The following TEAD1 variants were observed in gnomAD, a reference collection of about 807,000 sequenced individuals.
TEAD1 encodes TEA domain transcription factor 1.
A neutral mutation model predicts 54.9 loss-of-function variants in TEAD1; 9 were observed. The observed-to-expected ratio is 0.16, with a 90% confidence interval of 0.10 to 0.29. The LOEUF (loss-of-function observed/expected upper bound fraction) is 0.29. TEAD1 is among the 10% of genes least tolerant of loss of function. The probability of loss-of-function intolerance (pLI) is 1.00; values close to 1 mark genes in which losing one functional copy is unlikely to be tolerated. For missense variants in TEAD1, 387 were observed against 535.9 expected (o/e 0.72, Z 2.74); for synonymous variants, 200 against 187.8 (o/e 1.07, Z -0.53).
chr11:12,883,826 A>T (rs928278598), intron 9 of TEAD1, among the ~76,000 whole-genome samples: 1 of 152,124 alleles, frequency 6.6e-6, no homozygotes, highest in Non-Finnish European at 1.5e-5. Flanking sequence ...ATCTTGGCCA[A>T]CATGGTGAAA....
intron 5 of TEAD1, chr11:12,865,249 A>G (rs1947593958): frequency 8.1e-6 from 2 of 246,132 alleles, no homozygotes; most frequent in African/African-American, 4.4e-5. Flanking sequence ...ATGGGCTAGG[A>G]AAGCTTAAAA....
At chr11:12,870,594 T>G (rs567667280) in intron 5 of TEAD1, among the ~76,000 whole-genome samples, 1 of 152,252 alleles carries the variant, frequency 6.6e-6, no homozygotes, top group African/African-American at 2.4e-5. Context: ...TTTCAAAATA[T>G]CTAGGACAAG....
chr11:12,922,920 T>C (rs1948836328), intron 10 of TEAD1: 1 of 74,872 alleles, frequency 1.3e-5, no homozygotes, highest in Non-Finnish European at 2.4e-5. Context: ...CCAGACCCTG[T>C]CTCAAAAAAA....
intron 9 of TEAD1, among the ~76,000 whole-genome samples, chr11:12,894,207 T>C (rs1438225231): frequency 6.6e-6 from 1 of 152,230 alleles, no homozygotes; most frequent in Non-Finnish European, 1.5e-5. Context: ...TTTCACTACG[T>C]TCTTCAAATA....
intron 3 of TEAD1, among the ~76,000 whole-genome samples, chr11:12,799,705 G>T (rs1338085466): frequency 6.6e-6 from 1 of 152,230 alleles, no homozygotes; most frequent in Non-Finnish European, 1.5e-5. Flanking sequence ...TTAGTACCTT[G>T]GAATTTGAAC....
chr11:12,860,067 G>GT (rs778390267), intron 3 of TEAD1, among the ~76,000 whole-genome samples: 10 of 152,284 alleles, frequency 6.6e-5, no homozygotes, highest in Non-Finnish European at 1.2e-4. Flanking sequence ...AGGATGGTGT[G>GT]TGGGAGTGTT....
chr11:12,906,654 G>A lies in TEAD1; in HGVS notation c.873+4541G>A, dbSNP rs546991963. On this transcript the variant is annotated intron_variant, in intron 10 of 12. Coordinates refer to ENST00000527636, the MANE Select transcript of TEAD1 (RefSeq NM_021961.6). ...AGCGTTGGAATTTGTCTGTCACCCC[G>A]CGAGGATCTCCTGTGCCCATTTGTA... 4.1e-4 allele frequency among the ~76,000 whole-genome samples: 62 copies of A among 152,144 alleles called. 1 individual carries two copies. Among genetic ancestry groups the A allele is most frequent in the African/African-American group, 1.4e-3 (59 of 41,514 alleles).
chr11:12,712,536 A>G (rs1002062855), intron 2 of TEAD1, among the ~76,000 whole-genome samples: 1 of 152,196 alleles, frequency 6.6e-6, no homozygotes, highest in Admixed American at 6.5e-5. Context: ...TACTTATTTG[A>G]AAAGTTGCTT....
intron 3 of TEAD1, among the ~76,000 whole-genome samples, chr11:12,795,278 A>G (rs1034349425): frequency 6.6e-6 from 1 of 152,152 alleles, no homozygotes; most frequent in Non-Finnish European, 1.5e-5. Context: ...ATCTTCTTGT[A>G]AGGACAATTG....
intron 3 of TEAD1, among the ~76,000 whole-genome samples, chr11:12,850,072 C>T (rs1344813468): frequency 6.6e-6 from 1 of 152,170 alleles, no homozygotes; most frequent in African/African-American, 2.4e-5. Flanking sequence ...TTTTTCAACC[C>T]TTTTAGGACC....
At chr11:12,907,366 C>T (rs1209915577) in intron 10 of TEAD1, among the ~76,000 whole-genome samples, 3 of 152,144 alleles carry the variant, frequency 2.0e-5, no homozygotes, top group African/African-American at 4.8e-5. Flanking sequence ...AGGGAGCAGT[C>T]GGTGTTTTAA....
intron 3 of TEAD1, among the ~76,000 whole-genome samples, chr11:12,816,246 A>C (rs971582581): frequency 6.6e-6 from 1 of 152,026 alleles, no homozygotes; most frequent in Non-Finnish European, 1.5e-5. Flanking sequence ...CCTTGCTGCC[A>C]CCCTCTCTCA....
intron 3 of TEAD1, among the ~76,000 whole-genome samples, chr11:12,859,401 G>A (rs895259797): frequency 6.6e-6 from 1 of 151,626 alleles, no homozygotes; most frequent in African/African-American, 2.4e-5. Context: ...CGCTCAAATA[G>A]CCCTGAACAG....
chr11:12,821,460 A>G (rs948263627), intron 3 of TEAD1, among the ~76,000 whole-genome samples: 1 of 152,196 alleles, frequency 6.6e-6, no homozygotes, highest in African/African-American at 2.4e-5. Context: ...TTTTGTTCAT[A>G]ATTGTATCAT....
chr11:12,741,896 T>C (rs575389062), intron 2 of TEAD1, among the ~76,000 whole-genome samples: 1 of 152,298 alleles, frequency 6.6e-6, no homozygotes, highest in Non-Finnish European at 1.5e-5. Context: ...TCAGCTGCCT[T>C]GCTTTTCAGC....
intron 5 of TEAD1, among the ~76,000 whole-genome samples, chr11:12,870,576 T>G (rs1947725374): frequency 1.3e-5 from 2 of 152,080 alleles, no homozygotes; most frequent in African/African-American, 2.4e-5. Context: ...CCCCCGGGGT[T>G]GGGGCATTTT....
intron 2 of TEAD1, among the ~76,000 whole-genome samples, chr11:12,753,864 G>GT (rs1564928914): frequency 1.3e-5 from 2 of 151,946 alleles, no homozygotes; most frequent in African/African-American, 2.4e-5. Context: ...TTCTTTACTG[G>GT]TTTTTTTACT....
chr11:12,746,754 CTG>C, intron 2 of TEAD1, among the ~76,000 whole-genome samples: 1 of 152,342 alleles, frequency 6.6e-6, no homozygotes, highest in Middle Eastern at 3.4e-3. Flanking sequence ...TAACCTGACA[CTG>C]GGCCCAGCGC....
chr11:12,769,389 A>G (rs1233255610), intron 3 of TEAD1, among the ~76,000 whole-genome samples: 1 of 152,192 alleles, frequency 6.6e-6, no homozygotes, highest in Non-Finnish European at 1.5e-5. Flanking sequence ...CAGAACTGAC[A>G]AGGGGGTATC....
Sources: gnomAD v4.1 joint callset for allele counts (sites outside exome capture counted in the v4.1 genomes callset) on GRCh38, gnomAD v4.1.1 for gene constraint, MANE v1.5 for transcripts, NCBI Gene and HGNC (gene_info 2026-07-23, HGNC 2026-07-21) for gene names.